Variants in MCTP2 observed in about 807,000 individuals in gnomAD.
The protein encoded by MCTP2 is multiple C2 and transmembrane domain containing 2.
In MCTP2, 132 loss-of-function variants were observed where a neutral mutation model predicts 111.6. That is an observed-to-expected ratio of 1.18 (90% CI 1.03 to 1.37). MCTP2 has a LOEUF of 1.37. Ranked by LOEUF, MCTP2 falls within the 40% of genes most tolerant of loss-of-function variation. The pLI is 0.00. For missense variants in MCTP2, 1,183 were observed against 1,067.9 expected (o/e 1.11, Z -1.50); for synonymous variants, 395 against 387.7 (o/e 1.02, Z -0.22).
chr15:94,436,500 C>T (rs1162990908), intron 17 of MCTP2, among the ~76,000 whole-genome samples: 1 of 152,098 alleles, frequency 6.6e-6, no homozygotes, highest in Non-Finnish European at 1.5e-5. Flanking sequence ...AATATGGTCT[C>T]ACTGTAAAAG....
intron 17 of MCTP2, among the ~76,000 whole-genome samples, chr15:94,436,795 T>C (rs968301505): frequency 6.6e-6 from 1 of 151,964 alleles, no homozygotes; most frequent in African/African-American, 2.4e-5. Flanking sequence ...AAAATAATAA[T>C]AAAATCCATT....
At chr15:94,247,711 G>A (rs369927570) in intron 1 of MCTP2, among the ~76,000 whole-genome samples, 31 of 152,118 alleles carry the variant, frequency 2.0e-4, no homozygotes, top group African/African-American at 7.5e-4. Flanking sequence ...AAGCTGCCCT[G>A]TACCTTATCA....
intron 10 of MCTP2, among the ~76,000 whole-genome samples, chr15:94,359,882 T>TG (rs2078831245): frequency 6.6e-6 from 1 of 152,166 alleles, no homozygotes; most frequent in African/African-American, 2.4e-5. Flanking sequence ...CTGAGATAGA[T>TG]GCGTGAGGAG....
At chr15:94,235,254 CA>C (rs11296869) in intron 1 of MCTP2, among the ~76,000 whole-genome samples, 48,014 of 140,380 alleles carry the variant, frequency 0.34, 7,980 homozygotes, top group African/African-American at 0.44. Flanking sequence ...AACTCCGTCT[CA>C]AAAAAAAAAA....
At chr15:94,315,414 C>G in intron 3 of MCTP2, 115 bp from the exon 4 acceptor site, 1 of 676,540 alleles carries the variant, frequency 1.5e-6, no homozygotes, top group Non-Finnish European at 2.6e-6. Context: ...TTGGGGATGA[C>G]AGTCGATCAT....
intron 12 of MCTP2, among the ~76,000 whole-genome samples, chr15:94,376,576 T>C (rs553204894): frequency 6.6e-6 from 1 of 152,342 alleles, no homozygotes; most frequent in African/African-American, 2.4e-5. Flanking sequence ...AATAAATGTA[T>C]TTCCCATTCC....
At chr15:94,427,437 G>A (rs921430496) in intron 17 of MCTP2, among the ~76,000 whole-genome samples, 2 of 152,126 alleles carry the variant, frequency 1.3e-5, no homozygotes, top group Admixed American at 1.3e-4. Flanking sequence ...TTACAATCAT[G>A]ATGGAAGGTG....
At chr15:94,240,927 T>C (rs1469127637) in intron 1 of MCTP2, among the ~76,000 whole-genome samples, 1 of 152,210 alleles carries the variant, frequency 6.6e-6, no homozygotes. Context: ...AGGAAAATTC[T>C]TGTGGTGCTA....
At chr15:94,345,291 T>C in intron 8 of MCTP2, 127 bp downstream of exon 8, 1 of 939,368 alleles carries the variant, frequency 1.1e-6, no homozygotes, top group South Asian at 1.5e-5. Context: ...CTCTTACTGC[T>C]GTTACGAATA....
At chr15:94,322,424 G>C (rs558644336) in intron 4 of MCTP2, among the ~76,000 whole-genome samples, 2 of 152,244 alleles carry the variant, frequency 1.3e-5, no homozygotes, top group South Asian at 2.1e-4. Context: ...CTAGAACATG[G>C]ATTAGTAGAC....
chr15:94,466,716 G>T (rs529207712), intron 20 of MCTP2, among the ~76,000 whole-genome samples: 5 of 152,224 alleles, frequency 3.3e-5, no homozygotes, highest in African/African-American at 1.2e-4. Flanking sequence ...ATATTAGAGT[G>T]AAAATTGACA....
At position 94,284,960 on chromosome 15, in the gene MCTP2, T is replaced by A. The variant is rs2074681476; in HGVS notation, c.-65-13241T>A. Reference sequence around the variant, plus strand: ...AGCCCACTTTGTATTTTTGTTGAAATTTTAAAATTTTGATTAATATTTCAG... The same window carrying A: ...AGCCCACTTTGTATTTTTGTTGAAAATTTAAAATTTTGATTAATATTTCAG... On this transcript the variant is annotated intron_variant, in intron 1 of 22. Coordinates refer to ENST00000357742, the MANE Select transcript of MCTP2 (RefSeq NM_001385001.1). Among the ~76,000 whole-genome samples, 3 of 152,318 alleles carry A rather than the reference T, an allele frequency of 2.0e-5. No individual in the cohort carries two copies. In the South Asian group the frequency reaches 6.2e-4, roughly 32 times the overall value.
At chr15:94,437,155 C>CAAAAAA (rs11352999) in intron 17 of MCTP2, among the ~76,000 whole-genome samples, 24 of 69,570 alleles carry the variant, frequency 3.4e-4, no homozygotes, top group Non-Finnish European at 4.8e-4. Context: ...CTTACACATC[C>CAAAAAA]AAAAAAAAAA....
At chr15:94,247,617 A>C (rs1324316215) in intron 1 of MCTP2, among the ~76,000 whole-genome samples, 1 of 152,108 alleles carries the variant, frequency 6.6e-6, no homozygotes, top group Non-Finnish European at 1.5e-5. Flanking sequence ...AAGCAGATAA[A>C]ACGGGCGCAT....
intron 14 of MCTP2, among the ~76,000 whole-genome samples, chr15:94,389,146 T>G (rs113215856): frequency 0.054 from 8,190 of 152,036 alleles, 462 homozygotes; most frequent in African/African-American, 0.14. Context: ...ACTTAGGAAG[T>G]GTAGGGAGTT....
intron 8 of MCTP2, among the ~76,000 whole-genome samples, chr15:94,351,665 C>T (rs2078309591): frequency 6.6e-6 from 1 of 152,194 alleles, no homozygotes; most frequent in African/African-American, 2.4e-5. Context: ...CATTATTTGG[C>T]ACCTGGCAGG....
At chr15:94,440,808 G>A (rs2083737690) in intron 18 of MCTP2, among the ~76,000 whole-genome samples, 1 of 152,144 alleles carries the variant, frequency 6.6e-6, no homozygotes, top group Non-Finnish European at 1.5e-5. Flanking sequence ...TCTATTTGCA[G>A]GTGCCCACAT....
chr15:94,383,335 A>G (rs1264705881), intron 12 of MCTP2, among the ~76,000 whole-genome samples: 1 of 152,246 alleles, frequency 6.6e-6, no homozygotes, highest in East Asian at 1.9e-4. Flanking sequence ...AAGGAAACAG[A>G]GATGAACTTC....
intron 20 of MCTP2, among the ~76,000 whole-genome samples, chr15:94,467,517 C>T (rs933396916): frequency 1.3e-4 from 19 of 151,842 alleles, no homozygotes; most frequent in Admixed American, 1.2e-3. Flanking sequence ...AGCTTTGAGC[C>T]CGCGGGTTGG....
Sources: gnomAD v4.1 joint callset for allele counts (sites outside exome capture counted in the v4.1 genomes callset) on GRCh38, gnomAD v4.1.1 for gene constraint, MANE v1.5 for transcripts, NCBI Gene and HGNC (gene_info 2026-07-23, HGNC 2026-07-21) for gene names.